Variants in DACH1 observed in about 807,000 individuals in gnomAD.
DACH1 encodes the protein dachshund family transcription factor 1.
Under a neutral mutation model 54.2 loss-of-function variants are expected in DACH1, and 12 were observed. The observed-to-expected ratio is 0.22, with a 90% CI of 0.14 to 0.36. DACH1 has a LOEUF of 0.36. Ranked by LOEUF, DACH1 falls within the 10% of genes least tolerant of loss-of-function variation. The pLI is 1.00. For synonymous variants in DACH1, 386 were observed against 366.2 expected (o/e 1.05, Z -0.62); for missense variants, 805 against 929.8 (o/e 0.87, Z 1.75).
At chr13:71,538,060 CA>C (rs1288638351) in intron 6 of DACH1, among the ~76,000 whole-genome samples, 2 of 152,020 alleles carry the variant, frequency 1.3e-5, no homozygotes, top group Admixed American at 6.6e-5. Context: ...CCAGCAAACA[CA>C]ATCACTCATA....
At chr13:71,453,841 A>G (rs1230949395) in intron 10 of DACH1, among the ~76,000 whole-genome samples, 1 of 152,184 alleles carries the variant, frequency 6.6e-6, no homozygotes, top group East Asian at 1.9e-4. Context: ...TAAATATGAG[A>G]GTTTCCTAGC....
intron 3 of DACH1, among the ~76,000 whole-genome samples, chr13:71,622,366 G>T (rs1876311481): frequency 6.6e-6 from 1 of 151,734 alleles, no homozygotes; most frequent in Admixed American, 6.6e-5. Flanking sequence ...TTAATATCAA[G>T]ACATTATGAG....
intron 1 of DACH1, among the ~76,000 whole-genome samples, chr13:71,810,876 A>G (rs1157566101): frequency 6.6e-6 from 1 of 152,160 alleles, no homozygotes; most frequent in African/African-American, 2.4e-5. Context: ...TGTTTTGCTT[A>G]GTTGCTAATT....
chr13:71,665,135 A>G (rs1566416895), intron 2 of DACH1, among the ~76,000 whole-genome samples: 1 of 152,064 alleles, frequency 6.6e-6, no homozygotes, highest in African/African-American at 2.4e-5. Context: ...TGAACTATTT[A>G]TAACGTTCAG....
intron 1 of DACH1, among the ~76,000 whole-genome samples, chr13:71,811,437 A>C (rs1381434320): frequency 2.0e-5 from 3 of 152,172 alleles, no homozygotes; most frequent in Non-Finnish European, 4.4e-5. Flanking sequence ...GATATGGCCC[A>C]TGTGATTTTT....
chr13:71,680,618 TA>T (rs908657712), intron 2 of DACH1, among the ~76,000 whole-genome samples: 1 of 151,552 alleles, frequency 6.6e-6, no homozygotes, highest in African/African-American at 2.4e-5. Flanking sequence ...AAACAAAAAT[TA>T]AAATTAAAAT....
At chr13:71,469,009 G>A (rs1350192069) in intron 10 of DACH1, among the ~76,000 whole-genome samples, 1 of 152,196 alleles carries the variant, frequency 6.6e-6, no homozygotes, top group African/African-American at 2.4e-5. Context: ...TCTAAAATGA[G>A]TGATGTGGTT....
At chr13:71,693,576 CCAAAG>C (rs1278153896) in intron 1 of DACH1, among the ~76,000 whole-genome samples, 1 of 151,246 alleles carries the variant, frequency 6.6e-6, no homozygotes, top group African/African-American at 2.4e-5. Flanking sequence ...CCTCGGCCTC[CCAAAG>C]TGCTGGGATT....
chr13:71,811,082 T>C (rs1383602152), intron 1 of DACH1, among the ~76,000 whole-genome samples: 1 of 152,114 alleles, frequency 6.6e-6, no homozygotes, highest in African/African-American at 2.4e-5. Context: ...TCCATACTAA[T>C]TCACCAGTTC....
intron 6 of DACH1, among the ~76,000 whole-genome samples, chr13:71,556,274 TA>T (rs1399143055): frequency 1.3e-5 from 2 of 152,140 alleles, no homozygotes; most frequent in African/African-American, 4.8e-5. Context: ...CAAAAAAAGA[TA>T]AGCAAATTAT....
chr13:71,792,840 G>A (rs1886890060), intron 1 of DACH1, among the ~76,000 whole-genome samples: 1 of 152,148 alleles, frequency 6.6e-6, no homozygotes, highest in South Asian at 2.1e-4. Flanking sequence ...GGTCACTAGA[G>A]CTAGGAGCAC....
At chr13:71,855,101 C>T (rs985853314) in intron 1 of DACH1, among the ~76,000 whole-genome samples, 1 of 151,936 alleles carries the variant, frequency 6.6e-6, no homozygotes, top group South Asian at 2.1e-4. Flanking sequence ...TCCTCTATTC[C>T]AAGAATTGAT....
At chr13:71,821,067 A>G (rs1001736803) in intron 1 of DACH1, among the ~76,000 whole-genome samples, 1 of 152,234 alleles carries the variant, frequency 6.6e-6, no homozygotes, top group African/African-American at 2.4e-5. Flanking sequence ...GGAAAAGTTC[A>G]TAAGTGGACA....
Position 71,807,775 on chromosome 13 carries a change from C to T in DACH1, c.848+58147G>A, listed in dbSNP as rs1009945942. Reference sequence around the variant, plus strand: ...TTAATCCAAATGCCAATTTTTACTCCTATCCAAATACTTTAGCAATATCTC... The same window carrying T: ...TTAATCCAAATGCCAATTTTTACTCTTATCCAAATACTTTAGCAATATCTC... On this transcript the variant is annotated intron_variant, in intron 1 of 10. Coordinates refer to ENST00000613252, the MANE Select transcript of DACH1 (RefSeq NM_080759.6). 2.0e-5 allele frequency among the ~76,000 whole-genome samples: 3 copies of T among 152,030 alleles called. No individual in the cohort carries two copies. The East Asian group carries it at 5.8e-4, about 29-fold the overall frequency.
intron 1 of DACH1, among the ~76,000 whole-genome samples, chr13:71,829,282 T>C (rs1057447152): frequency 6.6e-6 from 1 of 151,998 alleles, no homozygotes; most frequent in African/African-American, 2.4e-5. Flanking sequence ...ACAAAACATA[T>C]GGTAGTTTCT....
intron 1 of DACH1, among the ~76,000 whole-genome samples, chr13:71,710,154 T>A (rs1757707840): frequency 6.6e-6 from 1 of 152,188 alleles, no homozygotes; most frequent in African/African-American, 2.4e-5. Context: ...TAGAACTTTA[T>A]TTGTCTGAAG....
At chr13:71,573,500 G>C in intron 3 of DACH1, 1 of 708,482 alleles carries the variant, frequency 1.4e-6, no homozygotes, top group Non-Finnish European at 2.6e-6. Context: ...TGCGGGGGTG[G>C]GTTATAGAGG....
chr13:71,616,879 ATTTT>A (rs1171502107), intron 3 of DACH1, among the ~76,000 whole-genome samples: 2 of 140,308 alleles, frequency 1.4e-5, no homozygotes, highest in Non-Finnish European at 3.1e-5. Context: ...TCGGGGTTCA[ATTTT>A]TTTTTTTTTT....
At chr13:71,682,039 G>A in intron 1 of DACH1, 129 bp from the exon 2 acceptor site, 2 of 562,752 alleles carry the variant, frequency 3.6e-6, no homozygotes, top group Non-Finnish European at 6.3e-6. Context: ...GCAGTTAGAT[G>A]TAATAGACTT....
Sources: allele counts gnomAD v4.1 joint callset (sites outside exome capture counted in the v4.1 genomes callset), GRCh38; gene constraint gnomAD v4.1.1; transcripts MANE v1.5; gene names NCBI Gene and HGNC (gene_info 2026-07-23, HGNC 2026-07-21).